CTDSPL: variants seen among roughly 807,000 people sequenced by gnomAD.
CTDSPL encodes CTD small phosphatase like, also known as CTD small phosphatase-like protein.
CTDSPL carries 8 observed loss-of-function variants against 30.5 expected under a neutral mutation model. That is an observed-to-expected ratio of 0.26 (90% confidence interval 0.15 to 0.47). CTDSPL has a LOEUF of 0.47. CTDSPL is among the 20% of genes least tolerant of loss of function. CTDSPL has a pLI of 0.99. For synonymous variants in CTDSPL, 110 were observed against 137.9 expected (o/e 0.80, Z 1.42); for missense variants, 248 against 366.1 (o/e 0.68, Z 2.63).
rs1303344219 is a variant in CTDSPL at position 37,862,120 on chromosome 3, C to CCCGCGCCCCCCGCG, written c.-69_-56dup. 3.2e-5 allele frequency: 19 copies of CCCGCGCCCCCCGCG among 588,576 alleles called. No individual in the cohort carries two copies. Among genetic ancestry groups the CCCGCGCCCCCCGCG allele is most frequent in the Middle Eastern group, 8.6e-4 (1 of 1,166 alleles). 36.5% of individuals were successfully genotyped at this position (588,576 alleles called of 1,614,324 possible). Reference sequence around the variant, plus strand: ...TGCGAGCGCCCCCCCGCGCCGCGCCCCCGCGCCCCCCGCGCCGCGCCCCCG... The same window carrying CCCGCGCCCCCCGCG: ...TGCGAGCGCCCCCCCGCGCCGCGCCCCCGCGCCCCCCGCGCCGCGCCCCCCGCGCCGCGCCCCCG... On this transcript the variant is annotated 5_prime_UTR_variant, in exon 1 of 8. Transcript: ENST00000273179. This position sits in a 1 kb window ranked among gnomAD's most constrained non-coding sequence, Gnocchi z 4.3.
intron 1 of CTDSPL, among the ~76,000 whole-genome samples, chr3:37,890,221 G>T (rs1227571868): frequency 6.6e-6 from 1 of 152,132 alleles, no homozygotes; most frequent in Non-Finnish European, 1.5e-5. Flanking sequence ...GTTAAGGCAG[G>T]ATATTTGGAA....
intron 2 of CTDSPL, among the ~76,000 whole-genome samples, chr3:37,949,609 T>C (rs1372561052): frequency 6.6e-6 from 1 of 152,250 alleles, no homozygotes; most frequent in Non-Finnish European, 1.5e-5. Context: ...AGAGGTTATC[T>C]CCTATTGCTC....
chr3:37,886,842 G>A (rs1298734851), intron 1 of CTDSPL, among the ~76,000 whole-genome samples: 1 of 152,138 alleles, frequency 6.6e-6, no homozygotes, highest in African/African-American at 2.4e-5. Flanking sequence ...CCCAATAGGG[G>A]GAAACTCTGA....
intron 3 of CTDSPL, among the ~76,000 whole-genome samples, chr3:37,959,930 G>A (rs113792486): frequency 2.0e-5 from 3 of 152,284 alleles, no homozygotes; most frequent in Admixed American, 6.5e-5. Context: ...CAGGCCAGGC[G>A]CAGTGGCTCA....
chr3:37,965,386 A>G (rs1397190835), intron 4 of CTDSPL, among the ~76,000 whole-genome samples: 1 of 152,208 alleles, frequency 6.6e-6, no homozygotes, highest in Non-Finnish European at 1.5e-5. Context: ...TTAAGAAATG[A>G]GTTAGTTAAC....
intron 1 of CTDSPL, among the ~76,000 whole-genome samples, chr3:37,891,460 A>AGGCG (rs1698324563): frequency 6.6e-6 from 1 of 152,262 alleles, no homozygotes; most frequent in Non-Finnish European, 1.5e-5. Flanking sequence ...GGCCAGCTGC[A>AGGCG]AGCGAGGACA....
intron 1 of CTDSPL, among the ~76,000 whole-genome samples, chr3:37,887,209 A>G (rs1160330409): frequency 1.3e-5 from 2 of 152,214 alleles, no homozygotes; most frequent in South Asian, 2.1e-4. Context: ...AATATTGAGC[A>G]TAGTAGAATT....
chr3:37,897,812 A>G (rs983391191), intron 1 of CTDSPL, among the ~76,000 whole-genome samples: 1 of 152,174 alleles, frequency 6.6e-6, no homozygotes, highest in African/African-American at 2.4e-5. Context: ...TTTTTGTGAG[A>G]AAAACAGAAA....
rs773049465 is a variant in CTDSPL at position 37,982,079 on chromosome 3, G to A, written c.*1212G>A. On this transcript the variant is annotated 3_prime_UTR_variant, in exon 8 of 8. Transcript: ENST00000273179. Reference sequence around the variant, plus strand: ...GCAAAAGGACCACAGCACCACTTAGGTGTAGCATGGATTTTAAACTGCAGT... The same window carrying A: ...GCAAAAGGACCACAGCACCACTTAGATGTAGCATGGATTTTAAACTGCAGT... 2 of 344,670 alleles carry A rather than the reference G, an allele frequency of 5.8e-6. No individual in the cohort carries two copies. Among genetic ancestry groups the A allele is most frequent in the Admixed American group, 8.2e-5 (2 of 24,328 alleles). 21.4% of individuals were successfully genotyped at this position (344,670 alleles called of 1,614,324 possible). A position where few individuals can be genotyped will look rare whatever the true frequency, so the allele number is the denominator to read the frequency against.
chr3:37,884,185 A>G (rs905744492), intron 1 of CTDSPL, among the ~76,000 whole-genome samples: 5 of 152,236 alleles, frequency 3.3e-5, no homozygotes, highest in African/African-American at 1.2e-4. Flanking sequence ...ATTGAAAAAA[A>G]TCAATAGGGG....
At chr3:37,928,474 G>A (rs1698811245) in intron 1 of CTDSPL, among the ~76,000 whole-genome samples, 1 of 152,152 alleles carries the variant, frequency 6.6e-6, no homozygotes. Flanking sequence ...GCATTTCCCT[G>A]ATGGTCAGTG....
chr3:37,938,676 T>TG (rs1427168071), intron 1 of CTDSPL, among the ~76,000 whole-genome samples: 3 of 127,526 alleles, frequency 2.4e-5, no homozygotes, highest in African/African-American at 1.1e-4. Context: ...TGTTTTTTTG[T>TG]GGGTTTTTTT....
At chr3:37,943,725 G>C (rs769160862) in intron 1 of CTDSPL, among the ~76,000 whole-genome samples, 1 of 150,140 alleles carries the variant, frequency 6.7e-6, no homozygotes, top group African/African-American at 2.4e-5. Flanking sequence ...AAACGTAAAG[G>C]GGGCAAGCGA....
chr3:37,900,681 G>A (rs1264299519), intron 1 of CTDSPL, among the ~76,000 whole-genome samples: 1 of 152,116 alleles, frequency 6.6e-6, no homozygotes, highest in Non-Finnish European at 1.5e-5. Context: ...TAAATATCAT[G>A]AGGAGACCAT....
At position 37,982,683 on chromosome 3, in the gene CTDSPL, A is replaced by G. The variant is rs1351052319; in HGVS notation, c.*1816A>G. ...GGTAAACAGGTCTCCCAGCATTCTG[A>G]GTGTTCCAAACCAGTAATCCACATG... On this transcript the variant is annotated 3_prime_UTR_variant, in exon 8 of 8. Transcript: ENST00000273179. 4.4e-6 allele frequency: 2 copies of G among 456,510 alleles called. No homozygotes were observed. Among genetic ancestry groups the G allele is most frequent in the African/African-American group, 2.0e-5 (1 of 50,090 alleles). The allele number at this position is 456,510 out of a possible 1,614,324, so 28.3% of individuals were successfully genotyped here.
rs1441104484 is a variant in CTDSPL, at chr3:37,897,158, T to C, written c.79+34880T>C. ...GATTGTACTGTAAGATATACAGTAATACAGATTCGATATTCAGAGTGTCAG... is the reference window on the plus strand; with the variant it reads ...GATTGTACTGTAAGATATACAGTAACACAGATTCGATATTCAGAGTGTCAG... On this transcript the variant is annotated intron_variant, in intron 1 of 7. Coordinates refer to ENST00000273179, the MANE Select transcript of CTDSPL (RefSeq NM_001008392.2). 3.3e-5 allele frequency among the ~76,000 whole-genome samples: 5 copies of C among 152,208 alleles called. No homozygotes were observed. In the East Asian group the frequency reaches 9.6e-4, roughly 29 times the overall value.
At chr3:37,965,641 C>T (rs1471772652) in intron 4 of CTDSPL, among the ~76,000 whole-genome samples, 1 of 152,234 alleles carries the variant, frequency 6.6e-6, no homozygotes, top group Non-Finnish European at 1.5e-5. Flanking sequence ...ATGTGTCTCA[C>T]ATGAACCATA....
intron 5 of CTDSPL, among the ~76,000 whole-genome samples, chr3:37,968,792 A>G (rs1444720753): frequency 1.3e-5 from 2 of 152,194 alleles, no homozygotes; most frequent in African/African-American, 4.8e-5. Context: ...CTAGATGGAG[A>G]AACTGAGGCT....
chr3:37,938,391 T>G (rs7627496), intron 1 of CTDSPL, among the ~76,000 whole-genome samples: 3,555 of 150,422 alleles, frequency 0.024, 206 homozygotes, highest in African/African-American at 0.079. Context: ...TTATATGGCA[T>G]GGGCAGATAT....
Sources: allele counts gnomAD v4.1 joint callset (sites outside exome capture counted in the v4.1 genomes callset), GRCh38; gene constraint gnomAD v4.1.1; non-coding constraint Gnocchi (gnomAD v3.1); transcripts MANE v1.5; gene names NCBI Gene and HGNC (gene_info 2026-07-23, HGNC 2026-07-21).